ATP2A2: variants seen among roughly 807,000 people sequenced by gnomAD.
ATP2A2 encodes the protein ATPase sarcoplasmic/endoplasmic reticulum Ca2+ transporting 2, also known as sarcoplasmic/endoplasmic reticulum calcium ATPase 2.
A neutral mutation model predicts 109.3 loss-of-function variants in ATP2A2; 14 were observed. The ratio of observed to expected loss-of-function variants is 0.13; its 90% CI spans 0.08 to 0.20. The LOEUF (loss-of-function observed/expected upper bound fraction) is 0.20. Among genes scored for constraint, ATP2A2 ranks in the 10% least tolerant of loss-of-function variants. ATP2A2 has a pLI of 1.00. For synonymous variants in ATP2A2, 506 were observed against 490.9 expected, an observed-to-expected ratio of 1.03 and a Z score of -0.41; for missense variants, 657 against 1,321.6, an observed-to-expected ratio of 0.50 and a Z score of 7.80.
At chr12:110,344,436 T>C (rs1879647844) in intron 16 of ATP2A2, among the ~76,000 whole-genome samples, 2 of 152,192 alleles carry the variant, frequency 1.3e-5, no homozygotes, top group Non-Finnish European at 2.9e-5. Context: ...CCTAGAAAAC[T>C]GCTGCTGGGC....
intron 5 of ATP2A2, among the ~76,000 whole-genome samples, chr12:110,316,996 T>C (rs562205974): frequency 1.3e-5 from 2 of 152,132 alleles, no homozygotes; most frequent in African/African-American, 2.4e-5. Flanking sequence ...AAGAAACAGA[T>C]TGGGAGCAAA....
chr12:110,290,776 T>C (rs1873182291), intron 3 of ATP2A2, among the ~76,000 whole-genome samples: 1 of 150,832 alleles, frequency 6.6e-6, no homozygotes, highest in African/African-American at 2.4e-5. Flanking sequence ...GGCTAATTTT[T>C]TGTGTTTCTA....
chr12:110,348,120 A>C lies in ATP2A2; in HGVS notation c.*1650A>C. 1.0e-6 allele frequency: 1 copy of C among 985,530 alleles called. No individual in the cohort carries two copies. The highest frequency in any genetic ancestry group is 1.2e-6 in the Non-Finnish European group (1 of 829,980). 61.0% of individuals were successfully genotyped at this position (985,530 alleles called of 1,614,324 possible). ...AAGGAGCTGTGCAGACTATTGCTAA[A>C]ATGAGGGTTCGCAGCTGCCAGGAGT... On this transcript the variant is annotated 3_prime_UTR_variant, in exon 20 of 20. Coordinates refer to ENST00000539276, the MANE Select transcript of ATP2A2 (RefSeq NM_170665.4).
rs1309380356 is a variant in ATP2A2, at chr12:110,349,328, C to G, written c.*2858C>G. On this transcript the variant is annotated 3_prime_UTR_variant, in exon 20 of 20. Transcript: ENST00000539276. ...GCAATGTGCCTGCTGTCAGGCAGCT[C>G]TTGCCTGAAACTTACTTCCACATTC... 2.0e-6 allele frequency: 2 copies of G among 985,404 alleles called. No homozygotes were observed. The highest frequency in any genetic ancestry group is 2.4e-6 in the Non-Finnish European group (2 of 829,982). The allele number at this position is 985,404 out of a possible 1,614,324, so 61.0% of individuals were successfully genotyped here.
At chr12:110,326,354 C>T in intron 6 of ATP2A2, 36 bp from the exon 7 acceptor site, 1 of 1,577,146 alleles carries the variant, frequency 6.3e-7, no homozygotes, top group South Asian at 1.1e-5. Flanking sequence ...GTGTGGGTCG[C>T]AGAGATCTGT....
chr12:110,315,237 A>G (rs887064995), intron 5 of ATP2A2, among the ~76,000 whole-genome samples: 3 of 152,030 alleles, frequency 2.0e-5, no homozygotes, highest in South Asian at 2.1e-4. Context: ...TTAAACGTGC[A>G]TTTTTCTTTT....
At chr12:110,318,615 A>G (rs1876914067) in intron 5 of ATP2A2, among the ~76,000 whole-genome samples, 1 of 152,154 alleles carries the variant, frequency 6.6e-6, no homozygotes, top group South Asian at 2.1e-4. Flanking sequence ...CTGGGATTGC[A>G]GGCACCCACC....
Position 110,347,218 on chromosome 12 carries a change from C to G in ATP2A2, c.*748C>G. ...TTTTTAAGGTTATTTATTTAAATGTCTAATGTATTTTATTGTAACAGACAT... is the reference window on the plus strand; with the variant it reads ...TTTTTAAGGTTATTTATTTAAATGTGTAATGTATTTTATTGTAACAGACAT... On this transcript the variant is annotated 3_prime_UTR_variant, in exon 20 of 20. Transcript: ENST00000539276. 2 of 1,197,730 alleles carry G rather than the reference C, an allele frequency of 1.7e-6. No individual in the cohort carries two copies. Among genetic ancestry groups the G allele is most frequent in the Non-Finnish European group, 2.1e-6 (2 of 946,846 alleles). The allele number at this position is 1,197,730 out of a possible 1,614,324, so 74.2% of individuals were successfully genotyped here. A position where few individuals can be genotyped will look rare whatever the true frequency, so the allele number is the denominator to read the frequency against.
chr12:110,331,003 G>C (rs1878276893), intron 8 of ATP2A2: 1 of 152,144 alleles, frequency 6.6e-6, no homozygotes, highest in Non-Finnish European at 1.5e-5. Context: ...CAGCACTTTG[G>C]GAGGCCGAGG....
intron 5 of ATP2A2, among the ~76,000 whole-genome samples, chr12:110,315,920 C>G (rs1053259169): frequency 1.3e-5 from 2 of 152,122 alleles, no homozygotes; most frequent in African/African-American, 4.8e-5. Flanking sequence ...GCCTGGGTGA[C>G]AGAGCAAACA....
intron 6 of ATP2A2, 53 bp from the exon 7 acceptor site, chr12:110,326,337 G>A: frequency 1.3e-6 from 2 of 1,513,264 alleles, no homozygotes; most frequent in Non-Finnish European, 1.8e-6. Context: ...GAGGTTCTAG[G>A]TTCTTGGTGT....
intron 8 of ATP2A2, among the ~76,000 whole-genome samples, chr12:110,328,416 C>T (rs1431269743): frequency 2.0e-5 from 3 of 151,992 alleles, no homozygotes; most frequent in Non-Finnish European, 2.9e-5. Flanking sequence ...ACCGAAAAGA[C>T]AAAAATTAGC....
chr12:110,296,833 T>C, intron 5 of ATP2A2, 96 bp downstream of exon 5: 2 of 1,365,332 alleles, frequency 1.5e-6, no homozygotes, highest in South Asian at 1.3e-5. Flanking sequence ...ATAATTGTTT[T>C]CATGTATCAA....
intron 1 of ATP2A2, among the ~76,000 whole-genome samples, chr12:110,282,112 C>T (rs868652286): frequency 6.6e-6 from 1 of 152,182 alleles, no homozygotes; most frequent in African/African-American, 2.4e-5. Flanking sequence ...CTTCTCGGGC[C>T]CTCGACCTTT....
At chr12:110,285,954 A>T (rs1872617936) in intron 3 of ATP2A2, among the ~76,000 whole-genome samples, 1 of 131,650 alleles carries the variant, frequency 7.6e-6, no homozygotes, top group Admixed American at 8.5e-5. Flanking sequence ...ATGGAGTCTC[A>T]CTCTTGTTGC....
Position 110,301,543 on chromosome 12 carries a change from G to A in ATP2A2, c.463+4806G>A, listed in dbSNP as rs997414492. Among the ~76,000 whole-genome samples the A allele has an allele frequency of 3.3e-5, 5 of 152,130 alleles. 1 individual carries two copies. Among genetic ancestry groups the A allele is most frequent in the South Asian group, 4.1e-4 (2 of 4,826 alleles). On this transcript the variant is annotated intron_variant, in intron 5 of 19. Transcript: ENST00000539276. Reference sequence around the variant, plus strand: ...GAACACACCCAAGTTCGTGAACTCCGTTTCCTTGGTCAGCACACTAGTCTA... The same window carrying A: ...GAACACACCCAAGTTCGTGAACTCCATTTCCTTGGTCAGCACACTAGTCTA...
At chr12:110,341,585 A>AT (rs1259158251) in intron 14 of ATP2A2, among the ~76,000 whole-genome samples, 1 of 152,134 alleles carries the variant, frequency 6.6e-6, no homozygotes, top group Non-Finnish European at 1.5e-5. Flanking sequence ...TTGAAGGCAT[A>AT]TTTTTTGGCC....
rs761165682 is a variant in ATP2A2 at position 110,327,819 on chromosome 12, A to G, written c.897A>G (p.Ala299=). ...GTGCTATTTACTACTTTAAAATTGC[A>G]GTGGCCCTGGCTGTAGCAGCCATTC... ...IRGAIYYFKI[A]VALAVAAIPE... is the part of the protein sequence containing the mutation. The change falls in exon 8 of 20, where the codon GCA becomes GCG. Residue 299 remains alanine (A), a synonymous_variant. Coordinates refer to ENST00000539276, the MANE Select transcript of ATP2A2 (RefSeq NM_170665.4). This position sits in a 1 kb window ranked among gnomAD's most constrained non-coding sequence, Gnocchi z 4.4. 6 of 1,614,072 alleles carry G rather than the reference A, an allele frequency of 3.7e-6. No individual in the cohort carries two copies. In the South Asian group the frequency reaches 5.5e-5, roughly 15 times the overall value.
At chr12:110,334,858 G>A (rs1878690597) in intron 11 of ATP2A2, among the ~76,000 whole-genome samples, 1 of 152,144 alleles carries the variant, frequency 6.6e-6, no homozygotes, top group Non-Finnish European at 1.5e-5. Flanking sequence ...AAAGTGCTGG[G>A]ATTACAGGCA....
Sources: gnomAD v4.1 joint callset for allele counts (sites outside exome capture counted in the v4.1 genomes callset) on GRCh38, gnomAD v4.1.1 for gene constraint, Gnocchi (gnomAD v3.1) non-coding constraint, MANE v1.5 for transcripts, NCBI Gene and HGNC (gene_info 2026-07-23, HGNC 2026-07-21) for gene names.